The following PLXNA4 variants were observed in gnomAD, a reference collection of about 807,000 sequenced individuals.
PLXNA4 encodes the protein plexin A4.
Under a neutral mutation model 191.8 loss-of-function variants are expected in PLXNA4, and 44 were observed. That is an observed-to-expected ratio of 0.23 (90% CI 0.18 to 0.29). PLXNA4 has a LOEUF of 0.29. Among genes scored for constraint, PLXNA4 ranks in the 10% least tolerant of loss-of-function variants. The probability of loss-of-function intolerance (pLI) is 1.00; values close to 1 mark genes in which losing one functional copy is unlikely to be tolerated. For synonymous variants in PLXNA4, 1,082 were observed against 1,009.5 expected (o/e 1.07, Z -1.36); for missense variants, 1,800 against 2,488.8 (o/e 0.72, Z 5.89).
chr7:132,450,050 A>G (rs1016529761), intron 3 of PLXNA4, among the ~76,000 whole-genome samples: 1 of 152,112 alleles, frequency 6.6e-6, no homozygotes, highest in African/African-American at 2.4e-5. Flanking sequence ...TCATTTCTCG[A>G]GTCCCCTCTG....
intron 4 of PLXNA4, among the ~76,000 whole-genome samples, chr7:132,272,650 C>G (rs1448458973): frequency 1.3e-5 from 2 of 152,110 alleles, no homozygotes; most frequent in East Asian, 3.9e-4. Context: ...AATTGTTGCC[C>G]AACTCTTCAG....
At position 132,604,035 on chromosome 7, in the gene PLXNA4, G is replaced by A. The variant is rs142962877; in HGVS notation, c.-87+41893C>T. On this transcript the variant is annotated intron_variant, in intron 2 of 4. Coordinates refer to the PLXNA4 transcript ENST00000378539. ...AAAGTGCCTAGCAGACTATCCAATTGGGTTATTTGCCCAGCTGTGCCCACC... is the reference window on the plus strand; with the variant it reads ...AAAGTGCCTAGCAGACTATCCAATTAGGTTATTTGCCCAGCTGTGCCCACC... Among the ~76,000 whole-genome samples the A allele has an allele frequency of 5.7e-3, 872 of 152,200 alleles. 13 individuals are homozygous for A. Among genetic ancestry groups the A allele is most frequent in the African/African-American group, 0.019 (795 of 41,526 alleles).
At chr7:132,220,314 C>T (rs1798101480) in intron 9 of PLXNA4, among the ~76,000 whole-genome samples, 1 of 152,214 alleles carries the variant, frequency 6.6e-6, no homozygotes, top group African/African-American at 2.4e-5. Flanking sequence ...TCTGGTTCAC[C>T]TCTATGCTCA....
At chr7:132,419,941 G>A (rs966678681) in intron 3 of PLXNA4, among the ~76,000 whole-genome samples, 7 of 151,566 alleles carry the variant, frequency 4.6e-5, no homozygotes, top group African/African-American at 1.5e-4. Flanking sequence ...CATTAAATAC[G>A]GAAAAAAAAT....
chr7:132,254,545 A>C (rs1320585596), intron 4 of PLXNA4, among the ~76,000 whole-genome samples: 4 of 152,172 alleles, frequency 2.6e-5, no homozygotes, highest in African/African-American at 9.7e-5. Flanking sequence ...GTGACGATTA[A>C]ATCCTGTTGT....
intron 2 of PLXNA4, among the ~76,000 whole-genome samples, chr7:132,585,652 T>C (rs1042566164): frequency 6.6e-6 from 1 of 152,208 alleles, no homozygotes; most frequent in Admixed American, 6.5e-5. Flanking sequence ...TTCTTATGGT[T>C]CTGGAGGTTG....
chr7:132,436,445 G>T (rs1365294067), intron 3 of PLXNA4, among the ~76,000 whole-genome samples: 1 of 152,206 alleles, frequency 6.6e-6, no homozygotes, highest in Non-Finnish European at 1.5e-5. Flanking sequence ...TTGCCCCATA[G>T]ATTATGAGCA....
At chr7:132,573,445 A>G (rs966777449) in intron 1 of PLXNA4, among the ~76,000 whole-genome samples, 9 of 152,148 alleles carry the variant, frequency 5.9e-5, no homozygotes, top group Non-Finnish European at 1.0e-4. Context: ...GCCTGATGAT[A>G]ACTATGAATC....
intron 3 of PLXNA4, among the ~76,000 whole-genome samples, chr7:132,441,692 A>G (rs922409841): frequency 6.6e-6 from 1 of 152,222 alleles, no homozygotes; most frequent in Non-Finnish European, 1.5e-5. Flanking sequence ...CATTATATTT[A>G]TATTTTTAAA....
chr7:132,428,450 G>A (rs779227256), intron 3 of PLXNA4, among the ~76,000 whole-genome samples: 3 of 152,208 alleles, frequency 2.0e-5, no homozygotes, highest in East Asian at 3.9e-4. Context: ...CCCTGTTGGC[G>A]CCTGGTGCAA....
chr7:132,138,200 C>T (rs768924325), intron 30 of PLXNA4, among the ~76,000 whole-genome samples: 1 of 152,134 alleles, frequency 6.6e-6, no homozygotes, highest in Non-Finnish European at 1.5e-5. Context: ...GTGCAGAAAA[C>T]CTTCCCCAAA....
At chr7:132,385,600 G>A (rs1585064326) in intron 3 of PLXNA4, among the ~76,000 whole-genome samples, 1 of 152,334 alleles carries the variant, frequency 6.6e-6, no homozygotes, top group South Asian at 2.1e-4. Context: ...GTCTTAGACA[G>A]CAAGGGGAAT....
In PLXNA4 at chr7:132,179,912, C is replaced by T. The variant is rs755334406; in HGVS notation, c.3649G>A (p.Gly1217Ser). The T allele has an allele frequency of 1.9e-6, 3 of 1,606,328 alleles. No individual in the cohort carries two copies. Among genetic ancestry groups the T allele is most frequent in the Non-Finnish European group, 2.6e-6 (3 of 1,175,676 alleles). Residue 1217 changes from glycine (G) to serine (S), a missense_variant, in exon 20 of 32, where the codon GGT becomes AGT. By Grantham distance (56) the Gly-to-Ser change is moderately conservative (BLOSUM62 0). This residue lies in a region of PLXNA4 where 1,397 missense variants were observed against 1,880.4 expected (regional missense o/e 0.74). Coordinates refer to ENST00000321063, the MANE Select transcript of PLXNA4 (RefSeq NM_020911.2). ...IGRHKVMARV[G>S]GMEYSPGMVY... ...ATCCCCGGGGAGTACTCCATGCCAC[C>T]GACACGGGCCTGGGGGCACACAGGG...
chr7:132,201,769 A>G (rs1797442423), intron 12 of PLXNA4, among the ~76,000 whole-genome samples: 4 of 152,278 alleles, frequency 2.6e-5, no homozygotes, highest in Middle Eastern at 3.4e-3. Flanking sequence ...AGAGTGCAGG[A>G]GTGGGAGGAG....
chr7:132,432,219 T>G (rs1053424331), intron 3 of PLXNA4, among the ~76,000 whole-genome samples: 1 of 152,212 alleles, frequency 6.6e-6, no homozygotes, highest in Non-Finnish European at 1.5e-5. Context: ...CAGTCACTCG[T>G]GGCATTCTCT....
At chr7:132,305,621 A>G (rs1801488939) in intron 3 of PLXNA4, among the ~76,000 whole-genome samples, 1 of 152,214 alleles carries the variant, frequency 6.6e-6, no homozygotes, top group Non-Finnish European at 1.5e-5. Context: ...CGCAAAGGTC[A>G]GCCATCCGGG....
chr7:132,614,631 C>G (rs1803116160), intron 2 of PLXNA4, among the ~76,000 whole-genome samples: 1 of 152,184 alleles, frequency 6.6e-6, no homozygotes. Flanking sequence ...GACGCAGGCC[C>G]CAGCAACCAC....
intron 17 of PLXNA4, 40 bp downstream of exon 17, chr7:132,182,057 C>T (rs1325584629): frequency 1.9e-6 from 3 of 1,613,894 alleles, no homozygotes; most frequent in East Asian, 2.2e-5. Flanking sequence ...CAACGTGTTG[C>T]ATGGGCAGCC....
At chr7:132,210,344 G>A (rs930565429) in intron 10 of PLXNA4, among the ~76,000 whole-genome samples, 2 of 152,176 alleles carry the variant, frequency 1.3e-5, no homozygotes, top group African/African-American at 2.4e-5. Context: ...GCAGCCTGGG[G>A]GCTGCTGACT....
Sources: allele counts gnomAD v4.1 joint callset (sites outside exome capture counted in the v4.1 genomes callset), GRCh38; gene constraint gnomAD v4.1.1; regional missense constraint gnomAD v4.1.1; transcripts MANE v1.5; gene names NCBI Gene and HGNC (gene_info 2026-07-23, HGNC 2026-07-21).